The following ZNF45 variants were observed in gnomAD, a reference collection of about 807,000 sequenced individuals.
ZNF45 encodes the protein BRC1744.
ZNF45 carries 4 observed loss-of-function variants against 12.0 expected under a neutral mutation model. The ratio of observed to expected loss-of-function variants is 0.33; its 90% CI spans 0.16 to 0.76. The LOEUF (loss-of-function observed/expected upper bound fraction) is 0.76, where lower values mean the gene tolerates loss of function less well. Among genes scored for constraint, ZNF45 ranks in the 30% least tolerant of loss-of-function variants. The probability of loss-of-function intolerance (pLI) is 0.60; values close to 1 mark genes in which losing one functional copy is unlikely to be tolerated. For missense variants in ZNF45, 700 were observed against 813.0 expected (o/e 0.86, Z 1.69); for synonymous variants, 272 against 279.6 (o/e 0.97, Z 0.27).
At chr19:43,927,697 T>C (rs549433420) in intron 3 of ZNF45, among the ~76,000 whole-genome samples, 2 of 152,294 alleles carry the variant, frequency 1.3e-5, no homozygotes, top group South Asian at 4.1e-4. Flanking sequence ...GAGAAAGCCA[T>C]GTAGAGATCT....
At chr19:43,920,566 C>G in intron 7 of ZNF45, among the ~76,000 whole-genome samples, 1 of 145,346 alleles carries the variant, frequency 6.9e-6, no homozygotes, top group Non-Finnish European at 1.5e-5. Flanking sequence ...GGTAAAGTCA[C>G]CCATGATAAA....
chr19:43,915,954 T>C (rs1249843734), intron 9 of ZNF45, among the ~76,000 whole-genome samples: 1 of 152,122 alleles, frequency 6.6e-6, no homozygotes, highest in African/African-American at 2.4e-5. Flanking sequence ...TTTATGGTAA[T>C]AACACACATT....
chr19:43,921,613 A>C (rs1973189723), intron 7 of ZNF45, among the ~76,000 whole-genome samples: 1 of 152,228 alleles, frequency 6.6e-6, no homozygotes, highest in African/African-American at 2.4e-5. Flanking sequence ...CATTAAAAGT[A>C]AATAATAGCA....
At chr19:43,921,311 G>A (rs1036874631) in intron 7 of ZNF45, among the ~76,000 whole-genome samples, 2 of 152,204 alleles carry the variant, frequency 1.3e-5, no homozygotes, top group Non-Finnish European at 2.9e-5. Flanking sequence ...AGTAAGAGAA[G>A]TATCTGGTAA....
Position 43,914,292 on chromosome 19 carries a change from G to A in ZNF45, c.1144C>T (p.His382Tyr). The change falls in exon 10 of 10, where the codon CAC becomes TAC. Residue 382 changes from histidine to tyrosine, a missense_variant. By Grantham distance (83) the His-to-Tyr change is moderately conservative (BLOSUM62 2). Transcript: ENST00000269973. ...CATTTGTATGGCTTCTCTCCAGTGTGGCTTATCTGATGGGCCTGAAGGTGT... is the reference window on the plus strand; with the variant it reads ...CATTTGTATGGCTTCTCTCCAGTGTAGCTTATCTGATGGGCCTGAAGGTGT... Reference protein sequence around the residue: ...GSHLQAHQISHTGEKPYKCEE... With the variant: ...GSHLQAHQISYTGEKPYKCEE... 1 of 1,612,928 alleles carries A rather than the reference G, an allele frequency of 6.2e-7. No homozygotes were observed. Among genetic ancestry groups the A allele is most frequent in the Non-Finnish European group, 8.5e-7 (1 of 1,179,406 alleles).
At chr19:43,929,155 C>G (rs1973920095) in intron 3 of ZNF45, among the ~76,000 whole-genome samples, 1 of 152,236 alleles carries the variant, frequency 6.6e-6, no homozygotes, top group Admixed American at 6.5e-5. Flanking sequence ...ACACCTGTGC[C>G]CATGTTCTTA....
intron 3 of ZNF45, among the ~76,000 whole-genome samples, chr19:43,927,624 C>A (rs779355859): frequency 1.3e-5 from 2 of 152,058 alleles, no homozygotes; most frequent in Non-Finnish European, 2.9e-5. Context: ...GGGGCTGTCA[C>A]AGAATAAGTT....
In ZNF45 at chr19:43,913,684, G is replaced by A. The variant is rs1324325071; in HGVS notation, c.1752C>T (p.Tyr584=). 6.2e-7 allele frequency: 1 copy of A among 1,613,694 alleles called. No individual in the cohort carries two copies. Among genetic ancestry groups the A allele is most frequent in the South Asian group, 1.1e-5 (1 of 91,052 alleles). Residue 584 remains tyrosine, a synonymous_variant, in exon 10 of 10, where the codon TAC becomes TAT. Transcript: ENST00000269973. ...AGCGCTTACCACACACATCACATCG[G>A]TATGGTTTTTCTCCTGTGTGGACTC... ...HRGVHTGEKP[Y]RCDVCGKRFR...
chr19:43,914,561 T>TG lies in ZNF45; in HGVS notation c.874dup (p.Gln292ProfsTer14). The stretch of plus-strand genomic sequence containing the variant: ...TCCAGTGTGAACTTTCAGATGAACT[T>TG]GAAGATATGATCTCTGACTGAAGCC... On this transcript the variant is annotated frameshift_variant, in exon 10 of 10. Coordinates refer to ENST00000269973, the MANE Select transcript of ZNF45 (RefSeq NM_003425.4). LOFTEE classifies it low-confidence loss of function (END_TRUNC). 1.2e-6 allele frequency: 2 copies of TG among 1,611,934 alleles called. No individual in the cohort carries two copies. The highest frequency in any genetic ancestry group is 1.7e-6 in the Non-Finnish European group (2 of 1,178,706).
At position 43,934,966 on chromosome 19, in the gene ZNF45, G is replaced by A. The variant is rs755673056; in HGVS notation, c.-798C>T. The A allele has an allele frequency of 1.2e-4, 19 of 152,284 alleles. No homozygotes were observed. Among genetic ancestry groups the A allele is most frequent in the Non-Finnish European group, 2.6e-4 (18 of 68,096 alleles). 9.4% of individuals were successfully genotyped at this position (152,284 alleles called of 1,614,324 possible). A position where few individuals can be genotyped will look rare whatever the true frequency, so the allele number is the denominator to read the frequency against. The stretch of plus-strand genomic sequence containing the variant: ...GGAAGCTACAGAGCTGTGGGAGGTG[G>A]GGGAAGGCGGGTCGGGCCGCTGAGA... On this transcript the variant is annotated 5_prime_UTR_variant, in exon 1 of 10. Coordinates refer to ENST00000269973, the MANE Select transcript of ZNF45 (RefSeq NM_003425.4).
intron 6 of ZNF45, among the ~76,000 whole-genome samples, chr19:43,922,833 T>TTTG (rs1973318073): frequency 7.0e-6 from 1 of 143,408 alleles, no homozygotes; most frequent in South Asian, 2.3e-4. Context: ...TTTTTTTTTT[T>TTTG]TTTTTTTTTT....
At chr19:43,922,284 A>C (rs1973252091) in intron 6 of ZNF45, 67 bp from the exon 7 acceptor site, 9 of 1,133,798 alleles carry the variant, frequency 7.9e-6, no homozygotes, top group East Asian at 2.5e-5. Flanking sequence ...CAAAAAAAAA[A>C]CCATAGCTGT....
rs1044612062 is a variant in ZNF45, at chr19:43,922,232, A to G, written c.-32-15T>C. On this transcript the variant is annotated splice_polypyrimidine_tract_variant and intron_variant, in intron 6 of 9. Transcript: ENST00000269973. ...AAGTGCCAAGTCTTAAGAGGGAAGG[A>G]GAAAACATGAGGGAAGGAGAAAAAA... 1.3e-6 allele frequency: 2 copies of G among 1,569,160 alleles called. No individual in the cohort carries two copies. Among genetic ancestry groups the G allele is most frequent in the Middle Eastern group, 1.7e-4 (1 of 5,886 alleles).
chr19:43,913,504 C>T lies in ZNF45; in HGVS notation c.1932G>A (p.Glu644=). ...AGCTCCAACTGAAGCCCTTCCCACA[C>T]TCCTCACATTTGTATGGTTTTTCTC... is the stretch of plus-strand genomic sequence containing the variant. ...HTGEKPYKCE[E]CGKGFSWSSS... Residue 644 remains glutamate (E), a synonymous_variant, in exon 10 of 10, where the codon GAG becomes GAA. Transcript: ENST00000269973. 1 of 1,613,756 alleles carries T rather than the reference C, an allele frequency of 6.2e-7. No individual in the cohort carries two copies. Among genetic ancestry groups the T allele is most frequent in the East Asian group, 2.2e-5 (1 of 44,850 alleles).
intron 3 of ZNF45, among the ~76,000 whole-genome samples, chr19:43,926,842 G>A (rs1348199498): frequency 6.6e-6 from 1 of 152,148 alleles, no homozygotes; most frequent in Admixed American, 6.5e-5. Flanking sequence ...ACAAATAACA[G>A]GCAGAAAGAG....
chr19:43,927,317 C>G (rs2147116383), intron 3 of ZNF45, among the ~76,000 whole-genome samples: 1 of 152,228 alleles, frequency 6.6e-6, no homozygotes, highest in South Asian at 2.1e-4. Context: ...TGGAAGGAAC[C>G]CAAAGATTTG....
chr19:43,921,386 TAAGAG>T (rs1255859043), intron 7 of ZNF45, among the ~76,000 whole-genome samples: 7 of 152,264 alleles, frequency 4.6e-5, no homozygotes, highest in Non-Finnish European at 7.4e-5. Context: ...TAAGTTAACA[TAAGAG>T]TAAAAGAATA....
At chr19:43,927,872 C>T (rs1036777576) in intron 3 of ZNF45, among the ~76,000 whole-genome samples, 3 of 151,944 alleles carry the variant, frequency 2.0e-5, no homozygotes, top group African/African-American at 2.4e-5. Flanking sequence ...GAATACTAGG[C>T]GGCCATAAAA....
rs1974222379 is a variant in ZNF45 at position 43,932,642 on chromosome 19, A to T, written c.-438T>A. The T allele has an allele frequency of 6.6e-6, 1 of 152,108 alleles. No individual in the cohort carries two copies. Among genetic ancestry groups the T allele is most frequent in the Non-Finnish European group, 1.5e-5 (1 of 68,028 alleles). The allele number at this position is 152,108 out of a possible 1,614,324, so 9.4% of individuals were successfully genotyped here. On this transcript the variant is annotated 5_prime_UTR_variant, in exon 3 of 10. Coordinates refer to ENST00000269973, the MANE Select transcript of ZNF45 (RefSeq NM_003425.4). The stretch of plus-strand genomic sequence containing the variant: ...CCTCTTTGCAAACCTCTTGCTGGGT[A>T]CTCTTGAGAAGAATATGATAATGTC...
Sources: gnomAD v4.1 joint callset for allele counts (sites outside exome capture counted in the v4.1 genomes callset) on GRCh38, gnomAD v4.1.1 for gene constraint, MANE v1.5 for transcripts, NCBI Gene and HGNC (gene_info 2026-07-23, HGNC 2026-07-21) for gene names.